The following SLCO3A1 variants were observed in gnomAD, a reference collection of about 807,000 sequenced individuals.
SLCO3A1 encodes PGE1 transporter.
In SLCO3A1, 27 loss-of-function variants were observed where a neutral mutation model predicts 63.1. That is an observed-to-expected ratio of 0.43 (90% confidence interval 0.32 to 0.59). The LOEUF is 0.59. SLCO3A1 is among the 20% of genes least tolerant of loss of function. The probability of loss-of-function intolerance (pLI) is 0.09; values close to 1 mark genes in which losing one functional copy is unlikely to be tolerated. For missense variants in SLCO3A1, 773 were observed against 945.8 expected, an observed-to-expected ratio of 0.82 and a Z score of 2.40; for synonymous variants, 473 against 409.9, an observed-to-expected ratio of 1.15 and a Z score of -1.86.
intron 2 of SLCO3A1, among the ~76,000 whole-genome samples, chr15:91,970,741 A>G (rs1180020409): frequency 6.6e-6 from 1 of 152,156 alleles, no homozygotes; most frequent in Non-Finnish European, 1.5e-5. Flanking sequence ...CTTTGGTTAG[A>G]CAGTGCCCAT....
intron 8 of SLCO3A1, among the ~76,000 whole-genome samples, chr15:92,148,083 T>TGTAATCCCAGCCACTTGGGCACATGCC (rs2048253593): frequency 6.6e-6 from 1 of 152,022 alleles, no homozygotes; most frequent in African/African-American, 2.4e-5. Context: ...TGGCACATGC[T>TGTAATCCCAGCCACTTGGGCACATGCC]TGTAATCCCA....
At chr15:92,060,400 A>C (rs2047072468) in intron 2 of SLCO3A1, among the ~76,000 whole-genome samples, 1 of 152,124 alleles carries the variant, frequency 6.6e-6, no homozygotes, top group African/African-American at 2.4e-5. Flanking sequence ...TCTCTACTAA[A>C]AATACAAAAA....
At position 92,126,478 on chromosome 15, in the gene SLCO3A1, G is replaced by A. The variant is rs767691015; in HGVS notation, c.1373+219G>A. Among the ~76,000 whole-genome samples the A allele has an allele frequency of 2.6e-5, 4 of 152,210 alleles. No individual in the cohort carries two copies. The South Asian group carries it at 6.2e-4, about 24-fold the overall frequency. On this transcript the variant is annotated intron_variant, in intron 6 of 9. Coordinates refer to ENST00000318445, the MANE Select transcript of SLCO3A1 (RefSeq NM_013272.4). ...AAGGCTGGGAAGCACTGGGGGAGAA[G>A]AGAAGCCGTTTCCTCCCTGGCAGAC...
intron 1 of SLCO3A1, among the ~76,000 whole-genome samples, chr15:91,880,389 C>CTGTGTGTGTGTGTGTGTGTGTG (rs1358208114): frequency 3.7e-4 from 38 of 103,774 alleles, no homozygotes; most frequent in African/African-American, 2.1e-3. Flanking sequence ...GCTTCTCTCT[C>CTGTGTGTGTGTGTGTGTGTGTG]TCTCTCTCTC....
intron 7 of SLCO3A1, among the ~76,000 whole-genome samples, chr15:92,144,444 G>C (rs2048193568): frequency 6.6e-6 from 1 of 152,194 alleles, no homozygotes; most frequent in Non-Finnish European, 1.5e-5. Flanking sequence ...GTGTCTTCTA[G>C]ATTGATGATA....
intron 2 of SLCO3A1, among the ~76,000 whole-genome samples, chr15:92,039,521 A>G (rs2046770728): frequency 6.6e-6 from 1 of 152,244 alleles, no homozygotes; most frequent in African/African-American, 2.4e-5. Flanking sequence ...ACAATGAGAT[A>G]GTGTTTTGTG....
At position 91,856,024 on chromosome 15, in the gene SLCO3A1, GGCCTA is replaced by G. The variant is rs1896910683; in HGVS notation, c.180+1939_180+1943del. Among the ~76,000 whole-genome samples the G allele has an allele frequency of 3.3e-5, 5 of 152,172 alleles. No individual in the cohort carries two copies. The South Asian group carries it at 1.0e-3, about 32-fold the overall frequency. The stretch of plus-strand genomic sequence containing the variant: ...GAAGCTGGGCTGCAACTAGATGAAT[GGCCTA>G]GCTCCTTTAGAAAGTTAAGAAGCCG... On this transcript the variant is annotated intron_variant, in intron 1 of 9. Coordinates refer to ENST00000318445, the MANE Select transcript of SLCO3A1 (RefSeq NM_013272.4). The surrounding 1 kb of genome is among the most constrained non-coding windows in gnomAD (Gnocchi z 4.9).
At chr15:92,010,961 T>C (rs552238665) in intron 2 of SLCO3A1, among the ~76,000 whole-genome samples, 8 of 152,250 alleles carry the variant, frequency 5.3e-5, no homozygotes, top group Non-Finnish European at 1.2e-4. Flanking sequence ...AGTAGCCATC[T>C]AAACAGACTG....
At chr15:92,002,524 T>G (rs1025814260) in intron 2 of SLCO3A1, among the ~76,000 whole-genome samples, 5 of 152,344 alleles carry the variant, frequency 3.3e-5, no homozygotes, top group African/African-American at 1.2e-4. Context: ...AAAAAAATTA[T>G]TAACATGGAA....
At chr15:92,046,268 A>C (rs1030161164) in intron 2 of SLCO3A1, among the ~76,000 whole-genome samples, 1 of 152,040 alleles carries the variant, frequency 6.6e-6, no homozygotes, top group Non-Finnish European at 1.5e-5. Context: ...TAATAACAGC[A>C]CTTTGGGAGG....
At position 92,097,674 on chromosome 15, in the gene SLCO3A1, C is replaced by A. The variant is rs145963642; in HGVS notation, c.745+2695C>A. 2.0e-5 allele frequency among the ~76,000 whole-genome samples: 3 copies of A among 152,320 alleles called. No homozygotes were observed. In the East Asian group the frequency reaches 5.8e-4, roughly 29 times the overall value. ...TGATAGCGGACTTCCCTTTCTGTTTCCAAAGAATGCAAGGTGCATTGTCAG... is the reference window on the plus strand; with the variant it reads ...TGATAGCGGACTTCCCTTTCTGTTTACAAAGAATGCAAGGTGCATTGTCAG... On this transcript the variant is annotated intron_variant, in intron 3 of 9. Transcript: ENST00000318445.
At chr15:92,088,386 A>G (rs1383820834) in intron 2 of SLCO3A1, among the ~76,000 whole-genome samples, 1 of 152,234 alleles carries the variant, frequency 6.6e-6, no homozygotes, top group Non-Finnish European at 1.5e-5. Flanking sequence ...TCAAATAATT[A>G]ACACAAAACC....
intron 2 of SLCO3A1, among the ~76,000 whole-genome samples, chr15:92,050,342 T>G (rs964691860): frequency 6.6e-6 from 1 of 152,192 alleles, no homozygotes; most frequent in African/African-American, 2.4e-5. Flanking sequence ...GGCAATTTAT[T>G]GCAAGCTTTA....
intron 2 of SLCO3A1, among the ~76,000 whole-genome samples, chr15:92,052,627 C>T (rs1048191064): frequency 4.6e-5 from 7 of 152,130 alleles, no homozygotes; most frequent in African/African-American, 7.2e-5. Context: ...AATGCATTCC[C>T]TTATATGCAG....
chr15:91,889,478 A>G (rs760216400), intron 1 of SLCO3A1, among the ~76,000 whole-genome samples: 7 of 152,258 alleles, frequency 4.6e-5, no homozygotes, highest in Non-Finnish European at 8.8e-5. Context: ...TGTGCCTTAT[A>G]AAACACTGTG....
downstream of SLCO3A1, among the ~76,000 whole-genome samples, chr15:92,167,371 A>G (rs1274098652): frequency 6.6e-6 from 1 of 152,250 alleles, no homozygotes; most frequent in African/African-American, 2.4e-5. Flanking sequence ...ATCCACTTCA[A>G]ATATCTAAGA....
At chr15:92,088,749 C>CT (rs1322241175) in intron 2 of SLCO3A1, among the ~76,000 whole-genome samples, 6 of 152,212 alleles carry the variant, frequency 3.9e-5, no homozygotes, top group African/African-American at 1.4e-4. Flanking sequence ...ATGATGCCGT[C>CT]TCTCTGGCTC....
At chr15:92,084,479 C>T (rs2047382554) in intron 2 of SLCO3A1, among the ~76,000 whole-genome samples, 2 of 152,184 alleles carry the variant, frequency 1.3e-5, no homozygotes, top group Non-Finnish European at 2.9e-5. Flanking sequence ...CTCACAGACA[C>T]ACCAGTACAG....
At chr15:91,899,769 G>C (rs904549329) in intron 1 of SLCO3A1, among the ~76,000 whole-genome samples, 1 of 152,124 alleles carries the variant, frequency 6.6e-6, no homozygotes, top group Non-Finnish European at 1.5e-5. Context: ...GTAAGTTCCT[G>C]CCCCATCTCC....
Sources: gnomAD v4.1 joint callset for allele counts (sites outside exome capture counted in the v4.1 genomes callset) on GRCh38, gnomAD v4.1.1 for gene constraint, Gnocchi (gnomAD v3.1) non-coding constraint, MANE v1.5 for transcripts, NCBI Gene and HGNC (gene_info 2026-07-23, HGNC 2026-07-21) for gene names.